Variants in TTBK2 observed in about 807,000 individuals in gnomAD.
The protein encoded by TTBK2 is tau-tubulin kinase 2.
TTBK2 carries 28 observed loss-of-function variants against 110.8 expected under a neutral mutation model. The ratio of observed to expected loss-of-function variants is 0.25; its 90% CI spans 0.19 to 0.35. The LOEUF is 0.35. Ranked by LOEUF, TTBK2 falls within the 10% of genes least tolerant of loss-of-function variation. The probability of loss-of-function intolerance (pLI) is 1.00; values close to 1 mark genes in which losing one functional copy is unlikely to be tolerated. For missense variants in TTBK2, 1,369 were observed against 1,500.3 expected (o/e 0.91, Z 1.45); for synonymous variants, 532 against 527.3 (o/e 1.01, Z -0.12).
intron 9 of TTBK2, among the ~76,000 whole-genome samples, chr15:42,795,359 T>C (rs1473157230): frequency 6.6e-6 from 1 of 152,178 alleles, no homozygotes; most frequent in Non-Finnish European, 1.5e-5. Flanking sequence ...ATTTATATTC[T>C]GTTAGTTTGA....
intron 6 of TTBK2, among the ~76,000 whole-genome samples, chr15:42,817,548 A>G (rs1487997216): frequency 6.6e-6 from 1 of 152,168 alleles, no homozygotes; most frequent in Non-Finnish European, 1.5e-5. Flanking sequence ...TTCAAACTCA[A>G]TTCAAAGGTG....
chr15:42,882,460 A>C (rs926230285), intron 1 of TTBK2, among the ~76,000 whole-genome samples: 1 of 151,320 alleles, frequency 6.6e-6, no homozygotes, highest in Non-Finnish European at 1.5e-5. Context: ...ATATATATAT[A>C]TATATTAGCC....
intron 13 of TTBK2, among the ~76,000 whole-genome samples, chr15:42,762,829 G>C (rs2062049608): frequency 6.6e-6 from 1 of 151,838 alleles, no homozygotes; most frequent in African/African-American, 2.4e-5. Flanking sequence ...GGATGGCACT[G>C]GAGGCTGTTA....
At chr15:42,764,315 G>A (rs556648099) in intron 13 of TTBK2, among the ~76,000 whole-genome samples, 17 of 152,348 alleles carry the variant, frequency 1.1e-4, no homozygotes, top group African/African-American at 3.6e-4. Context: ...CGCCTCACCC[G>A]GGAAGCATAG....
At chr15:42,826,540 C>T (rs1383076437) in intron 6 of TTBK2, among the ~76,000 whole-genome samples, 2 of 152,214 alleles carry the variant, frequency 1.3e-5, no homozygotes, top group Non-Finnish European at 2.9e-5. Flanking sequence ...GTAAACTACT[C>T]TTGTAACAAA....
intron 4 of TTBK2, among the ~76,000 whole-genome samples, chr15:42,837,051 C>T (rs1199961159): frequency 6.6e-6 from 1 of 152,028 alleles, no homozygotes; most frequent in East Asian, 1.9e-4. Context: ...AAGCAGGATC[C>T]AAATTAATGA....
intron 13 of TTBK2, among the ~76,000 whole-genome samples, chr15:42,760,994 C>A (rs2062017864): frequency 6.6e-6 from 1 of 152,030 alleles, no homozygotes; most frequent in Non-Finnish European, 1.5e-5. Context: ...ACACATAGAC[C>A]AACAGAACAG....
At chr15:42,907,025 AG>A (rs2030441648) in intron 1 of TTBK2, among the ~76,000 whole-genome samples, 1 of 152,104 alleles carries the variant, frequency 6.6e-6, no homozygotes, top group East Asian at 1.9e-4. Context: ...TCTCATTAAA[AG>A]AAAAAAAAAA....
intron 3 of TTBK2, among the ~76,000 whole-genome samples, chr15:42,855,707 G>T (rs886463554): frequency 2.0e-5 from 3 of 152,140 alleles, no homozygotes; most frequent in African/African-American, 7.2e-5. Context: ...TTTATTTAGA[G>T]ACGGAGTCTT....
At position 42,747,863 on chromosome 15, in the gene TTBK2, G is replaced by A. The variant is rs949363804; in HGVS notation, c.3273-1606C>T. Among the ~76,000 whole-genome samples, 6 of 152,230 alleles carry A rather than the reference G, an allele frequency of 3.9e-5. No homozygotes were observed. The Middle Eastern group carries it at 0.014, about 345-fold the overall frequency. On this transcript the variant is annotated intron_variant, in intron 14 of 14. Transcript: ENST00000267890. ...ATCCCCATGTTTCTATGGGAAATGA[G>A]TATTGCAATATCACTAACTACTTGG... is the stretch of plus-strand genomic sequence containing the variant.
chr15:42,769,587 A>G (rs1016751906), intron 13 of TTBK2, among the ~76,000 whole-genome samples: 7 of 152,262 alleles, frequency 4.6e-5, no homozygotes, highest in Admixed American at 1.3e-4. Context: ...TAGAATGGCG[A>G]TCATTAAAAA....
chr15:42,846,127 GA>G (rs59101747), intron 3 of TTBK2, among the ~76,000 whole-genome samples: 5,982 of 142,388 alleles, frequency 0.042, 320 homozygotes, highest in African/African-American at 0.13. Flanking sequence ...ATAATTACAG[GA>G]AAAAAAAAAA....
At chr15:42,870,544 T>C (rs1368212703) in intron 3 of TTBK2, among the ~76,000 whole-genome samples, 1 of 151,818 alleles carries the variant, frequency 6.6e-6, no homozygotes, top group Non-Finnish European at 1.5e-5. Context: ...TAATTCATCA[T>C]AAAATATCTT....
intron 3 of TTBK2, 129 bp downstream of exon 3, chr15:42,872,482 G>C (rs914443003): frequency 9.4e-7 from 1 of 1,063,146 alleles, no homozygotes; most frequent in Non-Finnish European, 1.4e-6. Flanking sequence ...AATGCTCAGC[G>C]TATTTATACC....
chr15:42,822,946 T>A, intron 6 of TTBK2, among the ~76,000 whole-genome samples: 1 of 152,112 alleles, frequency 6.6e-6, no homozygotes, highest in Non-Finnish European at 1.5e-5. Context: ...AAGAAGAGAA[T>A]GACTCTAGGA....
At chr15:42,783,349 T>C (rs1432104299) in intron 11 of TTBK2, 70 bp downstream of exon 11, 58 of 1,500,628 alleles carry the variant, frequency 3.9e-5, no homozygotes, top group Non-Finnish European at 5.1e-5. Context: ...CTGCCTAGCC[T>C]TCCTTCTTGG....
At chr15:42,903,898 T>C (rs908965751) in intron 1 of TTBK2, among the ~76,000 whole-genome samples, 4 of 152,178 alleles carry the variant, frequency 2.6e-5, no homozygotes, top group Non-Finnish European at 4.4e-5. Context: ...CGAGCTGCCA[T>C]ATCACCCTAT....
intron 14 of TTBK2, among the ~76,000 whole-genome samples, 172 bp downstream of exon 14, chr15:42,751,802 A>G (rs546559090): frequency 3.3e-5 from 5 of 152,354 alleles, no homozygotes; most frequent in African/African-American, 1.2e-4. Flanking sequence ...ACCGCAATAA[A>G]TTGGAAAAAA....
chr15:42,837,357 C>CAA (rs962772134), intron 4 of TTBK2, among the ~76,000 whole-genome samples: 10 of 56,306 alleles, frequency 1.8e-4, no homozygotes, highest in East Asian at 1.2e-3. Context: ...GACTCCATCT[C>CAA]AAAAAAAAAA....
Sources: allele counts gnomAD v4.1 joint callset (sites outside exome capture counted in the v4.1 genomes callset), GRCh38; gene constraint gnomAD v4.1.1; transcripts MANE v1.5; gene names NCBI Gene and HGNC (gene_info 2026-07-23, HGNC 2026-07-21).